LEPR: variants seen among roughly 807,000 people sequenced by gnomAD.
LEPR encodes OB receptor.
Under a neutral mutation model 114.7 loss-of-function variants are expected in LEPR, and 56 were observed. The observed-to-expected ratio is 0.49, with a 90% CI of 0.39 to 0.61. LEPR has a LOEUF of 0.61. Among genes scored for constraint, LEPR ranks in the 20% least tolerant of loss-of-function variants. LEPR has a pLI of 0.00. For missense variants in LEPR, 1,202 were observed against 1,352.9 expected (o/e 0.89, Z 1.75); for synonymous variants, 443 against 461.4 (o/e 0.96, Z 0.51).
chr1:65,440,089 G>A (rs1486512483), intron 2 of LEPR, among the ~76,000 whole-genome samples: 2 of 151,064 alleles, frequency 1.3e-5, no homozygotes, highest in Admixed American at 1.3e-4. Context: ...CATAGAGAAT[G>A]ACTTACAGTG....
At chr1:65,533,420 G>A (rs1650540277) in intron 2 of LEPR, among the ~76,000 whole-genome samples, 1 of 152,094 alleles carries the variant, frequency 6.6e-6, no homozygotes, top group Non-Finnish European at 1.5e-5. Context: ...TGCAAAATGG[G>A]AGAATTTGTG....
At chr1:65,535,957 A>G (rs1650745508) in intron 2 of LEPR, among the ~76,000 whole-genome samples, 1 of 152,162 alleles carries the variant, frequency 6.6e-6, no homozygotes, top group South Asian at 2.1e-4. Flanking sequence ...ATCATAAGTA[A>G]TTACTCTGAT....
intron 2 of LEPR, among the ~76,000 whole-genome samples, chr1:65,553,643 C>T (rs866581645): frequency 8.5e-5 from 13 of 152,088 alleles, no homozygotes; most frequent in South Asian, 8.3e-4. Context: ...TCTTAGCTTC[C>T]TTGCATTGGG....
chr1:65,529,943 C>T (rs565898831), intron 2 of LEPR, among the ~76,000 whole-genome samples: 3 of 152,118 alleles, frequency 2.0e-5, no homozygotes, highest in Non-Finnish European at 4.4e-5. Context: ...CTTTTTTCTC[C>T]ATGCTTTTTG....
chr1:65,454,621 T>G (rs1034676741), intron 2 of LEPR, among the ~76,000 whole-genome samples: 2 of 152,228 alleles, frequency 1.3e-5, no homozygotes, highest in African/African-American at 4.8e-5. Flanking sequence ...CCCACTCTCT[T>G]CTGGCTTGTA....
intron 5 of LEPR, among the ~76,000 whole-genome samples, chr1:65,586,528 GA>G (rs56044144): frequency 0.056 from 8,437 of 151,914 alleles, 332 homozygotes; most frequent in Non-Finnish European, 0.085. Flanking sequence ...TGTGCTTGCA[GA>G]AAAACAATTA....
At chr1:65,528,867 C>G (rs1344635315) in intron 2 of LEPR, among the ~76,000 whole-genome samples, 1 of 152,088 alleles carries the variant, frequency 6.6e-6, no homozygotes, top group African/African-American at 2.4e-5. Context: ...TGCAATGGCT[C>G]GATCCCAGCT....
chr1:65,501,440 A>G (rs1295660420), intron 2 of LEPR, among the ~76,000 whole-genome samples: 3 of 151,132 alleles, frequency 2.0e-5, no homozygotes, highest in East Asian at 2.0e-4. Flanking sequence ...AGAGAAACAG[A>G]CACAAGGAGG....
chr1:65,420,847 A>G, intron 1 of LEPR, 107 bp downstream of exon 1: 1 of 1,315,148 alleles, frequency 7.6e-7, no homozygotes, highest in Non-Finnish European at 1.0e-6. Flanking sequence ...CGGCCTCACC[A>G]CCCTTCCCGC....
intron 2 of LEPR, chr1:65,526,347 A>C (rs1236163911): frequency 1.0e-6 from 1 of 985,248 alleles, no homozygotes; most frequent in East Asian, 1.1e-4. Flanking sequence ...CAGCAGCAAA[A>C]CCCCAAACCC....
chr1:65,435,172 C>T, intron 2 of LEPR: 1 of 985,352 alleles, frequency 1.0e-6, no homozygotes, highest in Non-Finnish European at 1.2e-6. Flanking sequence ...GCTGGTCCTG[C>T]TTTTCATAGT....
intron 2 of LEPR, among the ~76,000 whole-genome samples, chr1:65,540,806 C>T (rs1394429446): frequency 6.6e-6 from 1 of 152,072 alleles, no homozygotes; most frequent in Non-Finnish European, 1.5e-5. Context: ...TTCAAGGTAT[C>T]TCAGGAGGGA....
chr1:65,568,887 T>C (rs1653959650), intron 3 of LEPR, among the ~76,000 whole-genome samples: 1 of 152,254 alleles, frequency 6.6e-6, no homozygotes, highest in African/African-American at 2.4e-5. Flanking sequence ...TAAGATGGTA[T>C]CTCATTGTAG....
In LEPR at chr1:65,442,636, AATG is replaced by A. The variant is rs536210092; in HGVS notation, c.-21+17264_-21+17266del. Reference sequence around the variant, plus strand: ...AGCTGGAATATTTGTTTCTTGATCTAATGATGATTACACAGCAGTTTTAAGTTT... The same window carrying A: ...AGCTGGAATATTTGTTTCTTGATCTAATGATTACACAGCAGTTTTAAGTTT... On this transcript the variant is annotated intron_variant, in intron 2 of 19. Coordinates refer to ENST00000349533, the MANE Select transcript of LEPR (RefSeq NM_002303.6). Among the ~76,000 whole-genome samples the A allele has an allele frequency of 2.1e-3, 326 of 152,342 alleles. 1 individual carries two copies. Among genetic ancestry groups the A allele is most frequent in the African/African-American group, 7.6e-3 (315 of 41,582 alleles).
chr1:65,455,530 A>T (rs1646857444), intron 2 of LEPR, among the ~76,000 whole-genome samples: 1 of 152,108 alleles, frequency 6.6e-6, no homozygotes, highest in Non-Finnish European at 1.5e-5. Flanking sequence ...GGTCTGTTGG[A>T]GTACCCGGCC....
rs1226142241 is a variant in LEPR at position 65,605,049 on chromosome 1, A to T, written c.1415A>T (p.Tyr472Phe). 6.2e-7 allele frequency: 1 copy of T among 1,613,034 alleles called. No individual in the cohort carries two copies. Among genetic ancestry groups the T allele is most frequent in the Non-Finnish European group, 8.5e-7 (1 of 1,180,016 alleles). ...TGTATCTTTTAAAGGAGCAGCCTTT[A>T]CTGTTCTGATATTCCATCTATTCAT... The part of the protein sequence containing the change: ...LQLRYHRSSL[Y>F]CSDIPSIHPI... The change falls in exon 11 of 20, where the codon TAC (tyrosine) becomes TTC (phenylalanine). Residue 472 changes from tyrosine to phenylalanine, a missense_variant. Tyr to Phe is a conservative substitution (Grantham distance 22). Coordinates refer to ENST00000349533, the MANE Select transcript of LEPR (RefSeq NM_002303.6).
At position 65,620,946 on chromosome 1, in the gene LEPR, G is replaced by T. The variant is rs6690661; in HGVS notation, c.2492-407G>T. Among the ~76,000 whole-genome samples the T allele has an allele frequency of 1.4e-3, 219 of 152,166 alleles. 1 individual carries two copies. The highest frequency in any genetic ancestry group is 4.9e-3 in the African/African-American group (205 of 41,480). On this transcript the variant is annotated intron_variant, in intron 17 of 19. Transcript: ENST00000349533. ...CCCCTAAAGAGTGGGGATGCTTGGT[G>T]GTTCAAGAAACAGCAAGGAAATCAG... is the stretch of plus-strand genomic sequence containing the variant.
chr1:65,603,300 A>G (rs1656574474), intron 10 of LEPR, among the ~76,000 whole-genome samples: 1 of 152,008 alleles, frequency 6.6e-6, no homozygotes, highest in Non-Finnish European at 1.5e-5. Flanking sequence ...TTCTACCCCC[A>G]GATGACCCCT....
At chr1:65,425,979 A>G (rs1476643846) in intron 2 of LEPR, among the ~76,000 whole-genome samples, 1 of 152,210 alleles carries the variant, frequency 6.6e-6, no homozygotes, top group African/African-American at 2.4e-5. Context: ...ATAAGAAAAC[A>G]AAGGTCCTGC....
Sources: allele counts gnomAD v4.1 joint callset (sites outside exome capture counted in the v4.1 genomes callset), GRCh38; gene constraint gnomAD v4.1.1; transcripts MANE v1.5; gene names NCBI Gene and HGNC (gene_info 2026-07-23, HGNC 2026-07-21).